Variants in FANCB observed in about 807,000 individuals in gnomAD.
The protein encoded by FANCB is FA complementation group B, also known as Fanconi anemia group B protein.
In FANCB, 5 loss-of-function variants were observed where a neutral mutation model predicts 38.9. The ratio of observed to expected loss-of-function variants is 0.13; its 90% CI spans 0.07 to 0.27. FANCB has a LOEUF of 0.27. FANCB is among the 10% of genes least tolerant of loss of function. FANCB has a pLI of 1.00. For missense variants in FANCB, 573 were observed against 602.7 expected (o/e 0.95, Z 0.52); for synonymous variants, 236 against 215.4 (o/e 1.10, Z -0.84).
chrX:14,815,459 T>C, the FANCB span, among the ~76,000 whole-genome samples: 1 of 111,214 alleles, frequency 9.0e-6, no homozygotes, highest in Non-Finnish European at 1.9e-5. Flanking sequence ...AATCATCAGA[T>C]AAATGCAAAT....
chrX:14,691,943 T>C, the FANCB span, among the ~76,000 whole-genome samples: 3 of 112,516 alleles, frequency 2.7e-5, no homozygotes, highest in African/African-American at 9.7e-5. Context: ...GTAATAGTTA[T>C]ATGCTACTCT....
At chrX:14,775,135 A>G in the FANCB span, among the ~76,000 whole-genome samples, 2 of 64,509 alleles carry the variant, frequency 3.1e-5, no homozygotes, top group Non-Finnish European at 6.2e-5. Flanking sequence ...CCCGGCCTCC[A>G]CTCTGTTATT....
the FANCB span, among the ~76,000 whole-genome samples, chrX:14,826,899 C>CT: frequency 9.0e-6 from 1 of 110,986 alleles, no homozygotes; most frequent in Non-Finnish European, 1.9e-5. Context: ...ATTTTTGTTT[C>CT]TTTTTTTTAC....
chrX:14,738,701 A>G, the FANCB span, among the ~76,000 whole-genome samples: 1 of 111,510 alleles, frequency 9.0e-6, no homozygotes, highest in Non-Finnish European at 1.9e-5. Context: ...AAGGCTTGAG[A>G]CTCTTTATGG....
the FANCB span, among the ~76,000 whole-genome samples, chrX:14,809,132 T>G: frequency 8.9e-6 from 1 of 112,412 alleles, no homozygotes; most frequent in Non-Finnish European, 1.9e-5. Flanking sequence ...ATAGATTCAA[T>G]GCAAGCCCTA....
chrX:14,761,724 T>C, the FANCB span, among the ~76,000 whole-genome samples: 3 of 110,961 alleles, frequency 2.7e-5, no homozygotes, highest in Non-Finnish European at 5.7e-5. Flanking sequence ...TAAGAAACAA[T>C]TGCTTCTTTG....
chrX:14,691,298 TGTGTGTGTGTGTGTGTGTGTGTGTGTGC>T, the FANCB span, among the ~76,000 whole-genome samples: 6 of 104,906 alleles, frequency 5.7e-5, no homozygotes, highest in African/African-American at 2.2e-4. Context: ...TGTGTGTGTG[TGTGTGTGTGTGTGTGTGTGTGTGTGTGC>T]GCGCGTGCGT....
chrX:14,846,551 T>C (rs2092377866), intron 7 of FANCB, among the ~76,000 whole-genome samples: 1 of 111,537 alleles, frequency 9.0e-6, no homozygotes, highest in East Asian at 2.8e-4. Context: ...AATGAAACAA[T>C]GGAACTAAGT....
At chrX:14,775,158 ATGTTTTTTTTTTT>A in the FANCB span, among the ~76,000 whole-genome samples, 2 of 28,476 alleles carry the variant, frequency 7.0e-5, no homozygotes, top group African/African-American at 2.3e-4. Context: ...TATTTCTCTA[ATGTTTTTTTTTTT>A]TTTTTTTTTT....
the FANCB span, among the ~76,000 whole-genome samples, chrX:14,735,198 TTTG>T: frequency 0.014 from 1,482 of 109,690 alleles, 24 homozygotes; most frequent in African/African-American, 0.04. Flanking sequence ...CTCAGAGGAG[TTTG>T]TTATTACCCG....
chrX:14,716,690 C>A, the FANCB span, among the ~76,000 whole-genome samples: 763 of 111,620 alleles, frequency 6.8e-3, 9 homozygotes, highest in African/African-American at 0.024. Flanking sequence ...CTCCCAGGAG[C>A]TCACCCCTCT....
chrX:14,850,398 A>G, intron 7 of FANCB, 107 bp downstream of exon 7: 3 of 611,724 alleles, frequency 4.9e-6, no homozygotes, highest in Non-Finnish European at 8.3e-6. Context: ...ACATTTTTAA[A>G]TATGGCCTCT....
At chrX:14,833,583 G>A (rs759227377), downstream of FANCB, among the ~76,000 whole-genome samples, 1 of 110,992 alleles carries the variant, frequency 9.0e-6, no homozygotes, top group South Asian at 3.8e-4. Flanking sequence ...AAAAATCTGT[G>A]AAGCCCTGCG....
At chrX:14,756,621 G>A in the FANCB span, among the ~76,000 whole-genome samples, 3 of 111,710 alleles carry the variant, frequency 2.7e-5, no homozygotes, top group East Asian at 2.8e-4. Flanking sequence ...GCAACTGACC[G>A]GTCATTACCT....
chrX:14,856,142 C>T (rs766284086), intron 5 of FANCB, among the ~76,000 whole-genome samples: 4 of 111,861 alleles, frequency 3.6e-5, no homozygotes, highest in Non-Finnish European at 5.6e-5. Flanking sequence ...AGTTCAGGCA[C>T]ATCACAATTT....
chrX:14,752,739 G>C, the FANCB span, among the ~76,000 whole-genome samples: 20 of 111,598 alleles, frequency 1.8e-4, no homozygotes, highest in African/African-American at 6.5e-4. Context: ...AATATTGTTA[G>C]GAAATTTCTA....
At chrX:14,870,285 G>GT (rs2092489445) in intron 1 of FANCB, among the ~76,000 whole-genome samples, 1 of 111,128 alleles carries the variant, frequency 9.0e-6, no homozygotes. Context: ...CAATTTACAG[G>GT]TTCTTAGTCC....
chrX:14,743,594 A>C, the FANCB span, among the ~76,000 whole-genome samples: 1 of 80,687 alleles, frequency 1.2e-5, no homozygotes, highest in Non-Finnish European at 2.4e-5. Context: ...TTTTTTTTGT[A>C]GCTCTTGTCA....
At chrX:14,787,782 A>C in the FANCB span, among the ~76,000 whole-genome samples, 1 of 102,966 alleles carries the variant, frequency 9.7e-6, no homozygotes, top group East Asian at 3.0e-4. Flanking sequence ...GGAACAATGA[A>C]ACAGACGTGA....
Sources: gnomAD v4.1 joint callset for allele counts (sites outside exome capture counted in the v4.1 genomes callset) on GRCh38, gnomAD v4.1.1 for gene constraint, MANE v1.5 for transcripts, NCBI Gene and HGNC (gene_info 2026-07-23, HGNC 2026-07-21) for gene names.